PHKA1: variants seen among roughly 807,000 people sequenced by gnomAD.
The protein encoded by PHKA1 is phosphorylase b kinase regulatory subunit alpha, skeletal muscle isoform.
A neutral mutation model predicts 110.2 loss-of-function variants in PHKA1; 60 were observed. The observed-to-expected ratio is 0.54, with a 90% CI of 0.44 to 0.68. The LOEUF (loss-of-function observed/expected upper bound fraction) is 0.68, where lower values mean the gene tolerates loss of function less well. PHKA1 is among the 30% of genes least tolerant of loss of function. The pLI is 0.00. For missense variants in PHKA1, 801 were observed against 942.5 expected (o/e 0.85, Z 1.97); for synonymous variants, 316 against 333.6 (o/e 0.95, Z 0.58).
At position 72,618,854 on chromosome X, in the gene PHKA1, A is replaced by C. The variant is rs782080466; in HGVS notation, c.2230-5T>G. The C allele has an allele frequency of 8.3e-7, 1 of 1,198,673 alleles. No homozygotes were observed. Reference sequence around the variant, plus strand: ...TTCTACACGAACAGAGGGAACCTTTAGTTTGAGAAATGATGACAAGAAATT... The same window carrying C: ...TTCTACACGAACAGAGGGAACCTTTCGTTTGAGAAATGATGACAAGAAATT... On this transcript the variant is annotated splice_polypyrimidine_tract_variant and splice_region_variant and intron_variant, in intron 20 of 31. Transcript: ENST00000373542.
chrX:72,711,338 A>G (rs1460355271), intron 2 of PHKA1, among the ~76,000 whole-genome samples: 1 of 112,214 alleles, frequency 8.9e-6, no homozygotes, highest in African/African-American at 3.2e-5. Context: ...AGCTCAAACT[A>G]GAAAACGTTG....
intron 5 of PHKA1, among the ~76,000 whole-genome samples, chrX:72,680,472 T>C (rs1478966853): frequency 8.8e-6 from 1 of 113,195 alleles, no homozygotes; most frequent in Non-Finnish European, 1.9e-5. Flanking sequence ...TCTGCCATCA[T>C]AAAATTCTAA....
At chrX:72,660,193 G>A (rs782586901) in intron 8 of PHKA1, among the ~76,000 whole-genome samples, 1 of 111,273 alleles carries the variant, frequency 9.0e-6, no homozygotes, top group East Asian at 2.8e-4. Context: ...ACTTCTTGTG[G>A]CATACAATTC....
intron 6 of PHKA1, among the ~76,000 whole-genome samples, chrX:72,672,896 C>T (rs1003216880): frequency 5.4e-5 from 6 of 111,864 alleles, no homozygotes; most frequent in African/African-American, 9.8e-5. Flanking sequence ...GAACCTATAT[C>T]GTGAGGAAAT....
At position 72,579,322 on chromosome X, in the gene PHKA1, C is replaced by T. The variant is rs1208164228; in HGVS notation, c.*1680G>A. 1 of 111,918 alleles carries T rather than the reference C, an allele frequency of 8.9e-6. No homozygotes were observed. The highest frequency in any genetic ancestry group is 1.9e-5 in the Non-Finnish European group (1 of 53,231). The allele number at this position is 111,918 out of a possible 1,213,427, so 9.2% of individuals were successfully genotyped here. On this transcript the variant is annotated 3_prime_UTR_variant, in exon 32 of 32. Transcript: ENST00000373542. The stretch of plus-strand genomic sequence containing the variant: ...ATTCTATCACCCTACTATATGCTTA[C>T]TTATTCATTATATTCATAAGATTGT...
chrX:72,646,946 C>T (rs1556297340), intron 13 of PHKA1, among the ~76,000 whole-genome samples: 1 of 109,863 alleles, frequency 9.1e-6, no homozygotes, highest in Non-Finnish European at 1.9e-5. Context: ...GCCTGGCCAA[C>T]ATGGTGAAAC....
chrX:72,687,267 A>C (rs1556319186), intron 4 of PHKA1, among the ~76,000 whole-genome samples: 1 of 111,555 alleles, frequency 9.0e-6, no homozygotes, highest in African/African-American at 3.3e-5. Context: ...ATATACATAT[A>C]TATACATGCA....
chrX:72,580,902 G>T lies in PHKA1; in HGVS notation c.*100C>A. ...GGGAAGGATGGGACAGAAAGGGGCA[G>T]GGTTGGAGTGATTAGGCAATAACAT... On this transcript the variant is annotated 3_prime_UTR_variant, in exon 32 of 32. Transcript: ENST00000373542. 1 of 751,943 alleles carries T rather than the reference G, an allele frequency of 1.3e-6. No homozygotes were observed. Among genetic ancestry groups the T allele is most frequent in the Non-Finnish European group, 2.0e-6 (1 of 494,051 alleles). 62.0% of individuals were successfully genotyped at this position (751,943 alleles called of 1,213,427 possible).
In PHKA1 at chrX:72,582,492, G is replaced by A; in HGVS notation, c.3404C>T (p.Thr1135Ile). 1 of 1,203,236 alleles carries A rather than the reference G, an allele frequency of 8.3e-7. No homozygotes were observed. Among genetic ancestry groups the A allele is most frequent in the South Asian group, 1.8e-5 (1 of 56,791 alleles). The change falls in exon 31 of 32, where the codon ACC (threonine) becomes ATC (isoleucine). Residue 1135 changes from threonine (T) to isoleucine (I), a missense_variant. Thr to Ile is a moderately conservative substitution (Grantham distance 89, BLOSUM62 -1). This residue lies in a region of PHKA1 where 502 missense variants were observed against 519.2 expected (regional missense o/e 0.97). Coordinates refer to ENST00000373542, the MANE Select transcript of PHKA1 (RefSeq NM_002637.4). ...ATGAATTTCAATATCTGCCAGCATGGTGAGGACAAGGATGGCTTCAACCAG... is the reference window on the plus strand; with the variant it reads ...ATGAATTTCAATATCTGCCAGCATGATGAGGACAAGGATGGCTTCAACCAG... ...QLLVEAILVL[T>I]MLADIEIHSI...
chrX:72,687,688 T>A (rs782332677), intron 4 of PHKA1, among the ~76,000 whole-genome samples: 1 of 111,134 alleles, frequency 9.0e-6, no homozygotes, highest in African/African-American at 3.3e-5. Context: ...CATTAAACTT[T>A]AAAAAAAACT....
intron 16 of PHKA1, among the ~76,000 whole-genome samples, chrX:72,630,999 G>GTTTTTTTTTTTTTTTTTTTTTTTT (rs146161152): frequency 2.2e-5 from 1 of 44,710 alleles, no homozygotes; most frequent in Non-Finnish European, 3.8e-5. Flanking sequence ...ATTTTTTCAG[G>GTTTTTTTTTTTTTTTTTTTTTTTT]TTTTTTTTTT....
At chrX:72,681,740 C>T (rs1303984375) in intron 5 of PHKA1, among the ~76,000 whole-genome samples, 4 of 67,341 alleles carry the variant, frequency 5.9e-5, no homozygotes, top group Non-Finnish European at 1.1e-4. Flanking sequence ...GCCCTCCGCC[C>T]GGCCAGCCGC....
chrX:72,679,012 C>A (rs782203379), intron 5 of PHKA1, among the ~76,000 whole-genome samples: 15 of 112,322 alleles, frequency 1.3e-4, no homozygotes, highest in Non-Finnish European at 2.1e-4. Flanking sequence ...CCACAGAAAT[C>A]TGCAGAGGGT....
At position 72,712,809 on chromosome X, in the gene PHKA1, C is replaced by G. The variant is rs1556335270; in HGVS notation, c.207G>C (p.Glu69Asp). The G allele has an allele frequency of 5.0e-6, 6 of 1,208,415 alleles. No individual in the cohort carries two copies. Among genetic ancestry groups the G allele is most frequent in the Non-Finnish European group, 6.7e-6 (6 of 894,187 alleles). ...LAYRKNADRD[E>D]DKAKAYELEQ... Reference sequence around the variant, plus strand: ...CCAATTCATAGGCCTTTGCCTTATCCTCATCCCGGTCTGCATTCTTCCGAT... The same window carrying G: ...CCAATTCATAGGCCTTTGCCTTATCGTCATCCCGGTCTGCATTCTTCCGAT... The change falls in exon 2 of 32, where the codon GAG (glutamate) becomes GAC (aspartate). Residue 69 changes from glutamate (E) to aspartate (D), a missense_variant. Physicochemically the swap from Glu to Asp is conservative, Grantham distance 45 (BLOSUM62 2). Transcript: ENST00000373542.
At chrX:72,669,290 C>G (rs1444351413) in intron 6 of PHKA1, among the ~76,000 whole-genome samples, 2 of 111,911 alleles carry the variant, frequency 1.8e-5, no homozygotes, top group Non-Finnish European at 3.8e-5. Flanking sequence ...AGCGGGGGCT[C>G]TCTGTTGTGG....
At chrX:72,630,053 G>A (rs782604328) in intron 16 of PHKA1, among the ~76,000 whole-genome samples, 2 of 111,600 alleles carry the variant, frequency 1.8e-5, no homozygotes, top group East Asian at 2.8e-4. Flanking sequence ...TTCGGGACCA[G>A]CCTGGCCAAC....
At chrX:72,676,319 C>T (rs2053779288) in intron 5 of PHKA1, among the ~76,000 whole-genome samples, 169 bp from the exon 6 acceptor site, 1 of 110,592 alleles carries the variant, frequency 9.0e-6, no homozygotes, top group Non-Finnish European at 1.9e-5. Context: ...GTGGGGTGGC[C>T]CCTGCAGCTA....
intron 22 of PHKA1, among the ~76,000 whole-genome samples, chrX:72,609,999 A>G (rs2052784537): frequency 9.0e-6 from 1 of 111,223 alleles, no homozygotes; most frequent in Non-Finnish European, 1.9e-5. Flanking sequence ...ATGGATAAAT[A>G]AGAGTTATAC....
chrX:72,654,512 C>G (rs1556300336), intron 10 of PHKA1, among the ~76,000 whole-genome samples: 2 of 111,498 alleles, frequency 1.8e-5, no homozygotes, highest in African/African-American at 6.5e-5. Context: ...TGTTCTCTTC[C>G]TCTTGCACAT....
Sources: allele counts gnomAD v4.1 joint callset (sites outside exome capture counted in the v4.1 genomes callset), GRCh38; gene constraint gnomAD v4.1.1; regional missense constraint gnomAD v4.1.1; transcripts MANE v1.5; gene names NCBI Gene and HGNC (gene_info 2026-07-23, HGNC 2026-07-21).